Variants in NLGN1 observed in about 807,000 individuals in gnomAD.
NLGN1 encodes neuroligin 1.
Under a neutral mutation model 65.5 loss-of-function variants are expected in NLGN1, and 12 were observed. That is an observed-to-expected ratio of 0.18 (90% confidence interval 0.12 to 0.30). The LOEUF (loss-of-function observed/expected upper bound fraction) is 0.30, where lower values mean the gene tolerates loss of function less well. NLGN1 is among the 10% of genes least tolerant of loss of function. The pLI, the probability that NLGN1 is intolerant of heterozygous loss-of-function variation, is 1.00. For missense variants in NLGN1, 750 were observed against 1,007.1 expected (o/e 0.74, Z 3.46); for synonymous variants, 350 against 359.5 (o/e 0.97, Z 0.30).
At position 174,268,209 on chromosome 3, in the gene NLGN1, G is replaced by C. The variant is rs7644336; in HGVS notation, c.647-7106G>C. Among the ~76,000 whole-genome samples the C allele has an allele frequency of 6.0e-3, 913 of 152,082 alleles. 24 individuals are homozygous for C. The highest frequency in any genetic ancestry group is 0.03 in the East Asian group (156 of 5,156). Reference sequence around the variant, plus strand: ...AATATGATTTCCTTTGATTCAAAAGGCCTTTTAGAAGAGATATTCTTCTTT... The same window carrying C: ...AATATGATTTCCTTTGATTCAAAAGCCCTTTTAGAAGAGATATTCTTCTTT... On this transcript the variant is annotated intron_variant, in intron 4 of 6. Transcript: ENST00000457714.
intron 1 of NLGN1, among the ~76,000 whole-genome samples, chr3:173,418,284 A>G (rs1486429516): frequency 6.6e-6 from 1 of 150,520 alleles, no homozygotes; most frequent in Admixed American, 6.6e-5. Context: ...TATTGCTTGA[A>G]TTTTTTTTTG....
At chr3:173,436,106 A>G (rs901691040) in intron 2 of NLGN1, among the ~76,000 whole-genome samples, 21 of 152,330 alleles carry the variant, frequency 1.4e-4, no homozygotes, top group Admixed American at 1.4e-3. Flanking sequence ...TTTTACATCA[A>G]TTTACCAAAC....
At chr3:173,833,792 C>T (rs949259009) in intron 4 of NLGN1, among the ~76,000 whole-genome samples, 2 of 152,256 alleles carry the variant, frequency 1.3e-5, no homozygotes, top group South Asian at 4.1e-4. Context: ...TGAGCCACCG[C>T]ACCTGGCCAT....
intron 3 of NLGN1, among the ~76,000 whole-genome samples, chr3:173,702,105 G>A (rs2149887226): frequency 2.7e-5 from 4 of 150,072 alleles, no homozygotes; most frequent in Middle Eastern, 6.9e-3. Context: ...TGGGCGTAGT[G>A]GCGGGCGCCT....
At chr3:173,794,165 C>T (rs1429507024) in intron 3 of NLGN1, among the ~76,000 whole-genome samples, 3 of 152,106 alleles carry the variant, frequency 2.0e-5, no homozygotes, top group Non-Finnish European at 4.4e-5. Context: ...GGCCACATTA[C>T]ACCTAGTCAC....
intron 2 of NLGN1, among the ~76,000 whole-genome samples, chr3:173,524,505 A>T (rs1735309530): frequency 6.6e-6 from 1 of 152,162 alleles, no homozygotes. Flanking sequence ...TCATGTTATC[A>T]GCAAACAGAG....
intron 2 of NLGN1, among the ~76,000 whole-genome samples, chr3:173,497,028 T>C (rs1213732588): frequency 3.9e-5 from 6 of 151,908 alleles, no homozygotes; most frequent in African/African-American, 1.5e-4. Context: ...ATCATCATGA[T>C]AACATTTTAA....
At chr3:174,045,010 T>A (rs1439045143) in intron 4 of NLGN1, among the ~76,000 whole-genome samples, 1 of 152,128 alleles carries the variant, frequency 6.6e-6, no homozygotes, top group Admixed American at 6.5e-5. Flanking sequence ...TGTGAGTCAA[T>A]AAATTACCCA....
chr3:173,406,584 GTATTCATATATATA>G (rs1362881409), intron 1 of NLGN1, among the ~76,000 whole-genome samples: 36 of 147,288 alleles, frequency 2.4e-4, no homozygotes, highest in African/African-American at 8.6e-4. Context: ...TCATATATAT[GTATTCATATATATA>G]TATAAATCAA....
At chr3:174,199,535 T>C (rs1734062539) in intron 4 of NLGN1, among the ~76,000 whole-genome samples, 1 of 151,868 alleles carries the variant, frequency 6.6e-6, no homozygotes, top group African/African-American at 2.4e-5. Context: ...GCTCACAATC[T>C]ATGAGGGTCC....
intron 4 of NLGN1, among the ~76,000 whole-genome samples, chr3:173,879,660 G>GATTATAT (rs1732855296): frequency 6.7e-6 from 1 of 150,204 alleles, no homozygotes. Flanking sequence ...ATCTAATTTG[G>GATTATAT]ATTATATTCT....
chr3:173,477,037 G>C lies in NLGN1; in HGVS notation c.-321+41959G>C, dbSNP rs140173587. ...TGAAAAATTCATGTTTTGATTTGTT[G>C]AAGTGGGGTTATCTTTAATGACCTA... On this transcript the variant is annotated intron_variant, in intron 2 of 6. Transcript: ENST00000457714. Among the ~76,000 whole-genome samples, 383 of 152,264 alleles carry C rather than the reference G, an allele frequency of 2.5e-3. 2 individuals carry two copies. The highest frequency in any genetic ancestry group is 8.8e-3 in the African/African-American group (366 of 41,566).
At chr3:173,835,444 T>C (rs2150629512) in intron 4 of NLGN1, among the ~76,000 whole-genome samples, 1 of 152,224 alleles carries the variant, frequency 6.6e-6, no homozygotes, top group African/African-American at 2.4e-5. Context: ...GGCTGGATTG[T>C]TTTCTTTGGA....
intron 3 of NLGN1, among the ~76,000 whole-genome samples, chr3:173,772,529 A>T (rs1779730797): frequency 6.6e-6 from 1 of 152,042 alleles, no homozygotes; most frequent in African/African-American, 2.4e-5. Flanking sequence ...GAGGCAGGAG[A>T]ATTACTTGAA....
intron 3 of NLGN1, among the ~76,000 whole-genome samples, chr3:173,696,012 A>G (rs968600689): frequency 1.3e-5 from 2 of 152,078 alleles, no homozygotes; most frequent in Non-Finnish European, 2.9e-5. Flanking sequence ...GGGTTTCACC[A>G]TGTTTCCCCG....
chr3:174,052,989 G>A (rs1268096178), intron 4 of NLGN1, among the ~76,000 whole-genome samples: 1 of 151,938 alleles, frequency 6.6e-6, no homozygotes, highest in East Asian at 1.9e-4. Flanking sequence ...TTCCTATGAA[G>A]GCCATTATGG....
chr3:173,411,196 A>G (rs1712467248), intron 1 of NLGN1, among the ~76,000 whole-genome samples: 1 of 152,244 alleles, frequency 6.6e-6, no homozygotes, highest in Non-Finnish European at 1.5e-5. Flanking sequence ...GCAGATTGCT[A>G]TAAACTAATC....
intron 2 of NLGN1, among the ~76,000 whole-genome samples, chr3:173,579,104 G>T (rs892105272): frequency 1.3e-5 from 2 of 152,312 alleles, no homozygotes; most frequent in East Asian, 3.9e-4. Context: ...ACCCTTTTAA[G>T]AGTCCCTCTG....
At chr3:173,892,879 C>A (rs1233869174) in intron 4 of NLGN1, among the ~76,000 whole-genome samples, 1 of 152,172 alleles carries the variant, frequency 6.6e-6, no homozygotes, top group Non-Finnish European at 1.5e-5. Context: ...CCCTGACAGC[C>A]ATTGTAGTAG....
Sources: allele counts gnomAD v4.1 joint callset (sites outside exome capture counted in the v4.1 genomes callset), GRCh38; gene constraint gnomAD v4.1.1; transcripts MANE v1.5; gene names NCBI Gene and HGNC (gene_info 2026-07-23, HGNC 2026-07-21).